Variants in FAM120A observed in about 807,000 individuals in gnomAD.
FAM120A encodes family with sequence similarity 120 member A.
A neutral mutation model predicts 109.7 loss-of-function variants in FAM120A; 15 were observed. The ratio of observed to expected loss-of-function variants is 0.14; its 90% CI spans 0.09 to 0.21. The LOEUF (loss-of-function observed/expected upper bound fraction) is 0.21. Ranked by LOEUF, FAM120A falls within the 10% of genes least tolerant of loss-of-function variation. The pLI is 1.00. For synonymous variants in FAM120A, 493 were observed against 572.8 expected, an observed-to-expected ratio of 0.86 and a Z score of 1.99; for missense variants, 899 against 1,439.3, an observed-to-expected ratio of 0.62 and a Z score of 6.07.
intron 3 of FAM120A, among the ~76,000 whole-genome samples, chr9:93,480,491 G>C (rs556307894): frequency 6.6e-6 from 1 of 152,130 alleles, no homozygotes; most frequent in Non-Finnish European, 1.5e-5. Flanking sequence ...GCTGGGCCAG[G>C]ATGGGTAAAA....
chr9:93,490,982 T>C (rs1016590571), intron 3 of FAM120A, among the ~76,000 whole-genome samples: 11 of 152,172 alleles, frequency 7.2e-5, no homozygotes, highest in African/African-American at 2.7e-4. Flanking sequence ...GTAGTATGGG[T>C]GCCAGCCTCC....
intron 5 of FAM120A, among the ~76,000 whole-genome samples, chr9:93,512,233 G>A (rs1004985203): frequency 2.0e-5 from 3 of 152,208 alleles, no homozygotes; most frequent in Non-Finnish European, 4.4e-5. Flanking sequence ...GGGTAAGGCC[G>A]ACTGTAGTTC....
At chr9:93,467,257 C>T (rs995430899) in intron 1 of FAM120A, among the ~76,000 whole-genome samples, 2 of 90,052 alleles carry the variant, frequency 2.2e-5, no homozygotes, top group African/African-American at 3.4e-5. Flanking sequence ...CCCCCCCCCC[C>T]CTTTTCCCCC....
At chr9:93,484,583 T>C (rs1323785929) in intron 3 of FAM120A, among the ~76,000 whole-genome samples, 1 of 152,170 alleles carries the variant, frequency 6.6e-6, no homozygotes, top group Non-Finnish European at 1.5e-5. Context: ...TTATTATTAT[T>C]ATTATTTTAA....
intron 3 of FAM120A, among the ~76,000 whole-genome samples, chr9:93,486,234 A>G (rs113869359): frequency 2.0e-5 from 3 of 151,502 alleles, no homozygotes; most frequent in Non-Finnish European, 2.9e-5. Context: ...TCGGCCTCCC[A>G]TAGTCCTGGG....
chr9:93,548,265 G>A (rs1588904973), intron 11 of FAM120A, among the ~76,000 whole-genome samples: 3 of 152,088 alleles, frequency 2.0e-5, no homozygotes, highest in East Asian at 1.9e-4. Context: ...CACCACGCCC[G>A]GCTAATTTTT....
rs372565267 is a variant in FAM120A, at chr9:93,452,467, C to A, written c.474+78C>A. ...TCCCCCTTCCCAGGGCGCAGAATGTCGCCCGGCCGTGGCGGCGCTGGGGGC... is the reference window on the plus strand; with the variant it reads ...TCCCCCTTCCCAGGGCGCAGAATGTAGCCCGGCCGTGGCGGCGCTGGGGGC... On this transcript the variant is annotated intron_variant, in intron 1 of 17. Coordinates refer to ENST00000277165, the MANE Select transcript of FAM120A (RefSeq NM_014612.5). This position sits in a 1 kb window ranked among gnomAD's most constrained non-coding sequence, Gnocchi z 7.0. 1.9e-6 allele frequency: 3 copies of A among 1,547,596 alleles called. No individual in the cohort carries two copies. Among genetic ancestry groups the A allele is most frequent in the African/African-American group, 2.7e-5 (2 of 73,442 alleles).
At chr9:93,537,828 T>C (rs1246666596) in intron 10 of FAM120A, among the ~76,000 whole-genome samples, 2 of 152,230 alleles carry the variant, frequency 1.3e-5, no homozygotes, top group Non-Finnish European at 2.9e-5. Context: ...AAAATTGGTA[T>C]TGTAAACATT....
chr9:93,498,743 G>T lies in FAM120A; in HGVS notation c.934-47G>T. ...TTATAAAAAACATTGTGATACACAT[G>T]ACCAGTGGCACACTAATTTATGAAG... is the stretch of plus-strand genomic sequence containing the variant. On this transcript the variant is annotated intron_variant, in intron 4 of 17. Coordinates refer to ENST00000277165, the MANE Select transcript of FAM120A (RefSeq NM_014612.5). This position sits in a 1 kb window ranked among gnomAD's most constrained non-coding sequence, Gnocchi z 4.4. The T allele has an allele frequency of 2.9e-6, 3 of 1,034,068 alleles. No individual in the cohort carries two copies. In the South Asian group the frequency reaches 3.8e-5, roughly 13 times the overall value. 64.1% of individuals were successfully genotyped at this position (1,034,068 alleles called of 1,614,324 possible). A position where few individuals can be genotyped will look rare whatever the true frequency, so the allele number is the denominator to read the frequency against.
chr9:93,516,192 C>T lies in FAM120A; in HGVS notation c.1341C>T (p.His447=), dbSNP rs77023914. 0.051 allele frequency: 81,713 copies of T among 1,613,756 alleles called. 5,972 individuals are homozygous for T. Among genetic ancestry groups the T allele is most frequent in the African/African-American group, 0.36 (26,788 of 74,862 alleles). The change falls in exon 7 of 18, where the codon CAC becomes CAT. Residue 447 remains histidine, a synonymous_variant. Coordinates refer to ENST00000277165, the MANE Select transcript of FAM120A (RefSeq NM_014612.5). ...CGGCCCAGAGCGGCAGCCCCAACCA[C>T]GTGGATTCCGCCTACTTCCCTGGCT... ...INPAQSGSPN[H]VDSAYFPGSS... is the part of the protein sequence containing the mutation.
chr9:93,471,526 G>T (rs1564312299), intron 2 of FAM120A, 139 bp downstream of exon 2: 1 of 1,054,742 alleles, frequency 9.5e-7, no homozygotes. Context: ...CTCTTCCTTA[G>T]CATTCCTTGC....
At chr9:93,535,973 T>G (rs982837344) in intron 10 of FAM120A, among the ~76,000 whole-genome samples, 2 of 152,240 alleles carry the variant, frequency 1.3e-5, no homozygotes, top group African/African-American at 4.8e-5. Flanking sequence ...GCCATTGATT[T>G]AAACTTCATT....
intron 1 of FAM120A, chr9:93,453,241 T>C (rs1372873093): frequency 1.0e-5 from 10 of 994,884 alleles, no homozygotes; most frequent in South Asian, 4.4e-5. Flanking sequence ...AGCGGTGCCC[T>C]GACGGGTGGG....
At chr9:93,477,090 C>T (rs1199492455) in intron 3 of FAM120A, among the ~76,000 whole-genome samples, 1 of 152,196 alleles carries the variant, frequency 6.6e-6, no homozygotes, top group South Asian at 2.1e-4. Flanking sequence ...TTTGTATCTG[C>T]TTCCCACCCT....
chr9:93,456,630 T>G (rs1190876839), intron 1 of FAM120A, among the ~76,000 whole-genome samples: 1 of 152,226 alleles, frequency 6.6e-6, no homozygotes, highest in Non-Finnish European at 1.5e-5. Context: ...CCATTTTTCA[T>G]GTGTAAAAAC....
chr9:93,512,124 A>G (rs1454725922), intron 5 of FAM120A, among the ~76,000 whole-genome samples: 2 of 152,058 alleles, frequency 1.3e-5, no homozygotes, highest in Non-Finnish European at 2.9e-5. Context: ...TTTGTTTTTT[A>G]AGACTTAACT....
intron 1 of FAM120A, among the ~76,000 whole-genome samples, chr9:93,465,221 A>G (rs988752475): frequency 6.6e-6 from 1 of 152,184 alleles, no homozygotes; most frequent in Non-Finnish European, 1.5e-5. Flanking sequence ...CAAACCTTGC[A>G]TTGTATTGTC....
chr9:93,498,856 C>A lies in FAM120A; in HGVS notation c.1000C>A (p.Pro334Thr). 2.5e-6 allele frequency: 4 copies of A among 1,610,030 alleles called. No individual in the cohort carries two copies. In the Admixed American group the frequency reaches 6.7e-5, roughly 27 times the overall value. The change falls in exon 5 of 18, where the codon CCT becomes ACT. Residue 334 changes from proline to threonine, a missense_variant. Physicochemically the swap from Pro to Thr is conservative, Grantham distance 38. Transcript: ENST00000277165. The surrounding 1 kb of genome is among the most constrained non-coding windows in gnomAD (Gnocchi z 4.4). ...AIGYYSATSK[P>T]MSFHPPHYLA... Reference sequence around the variant, plus strand: ...TGGATATTATTCAGCGACTAGTAAGCCTATGTCATTTCATCCACCACATTA... The same window carrying A: ...TGGATATTATTCAGCGACTAGTAAGACTATGTCATTTCATCCACCACATTA...
At chr9:93,529,668 C>G (rs760869656) in intron 9 of FAM120A, 88 bp downstream of exon 9, 1 of 1,182,692 alleles carries the variant, frequency 8.5e-7, no homozygotes, top group South Asian at 1.3e-5. Flanking sequence ...CTTTTTTGAA[C>G]CATTTTTCTG....
Sources: gnomAD v4.1 joint callset for allele counts (sites outside exome capture counted in the v4.1 genomes callset) on GRCh38, gnomAD v4.1.1 for gene constraint, Gnocchi (gnomAD v3.1) non-coding constraint, MANE v1.5 for transcripts, NCBI Gene and HGNC (gene_info 2026-07-23, HGNC 2026-07-21) for gene names.